The following SLC47A1 variants were observed in gnomAD, a reference collection of about 807,000 sequenced individuals.
SLC47A1 encodes the protein solute carrier family 47 member 1.
SLC47A1 carries 58 observed loss-of-function variants against 65.8 expected under a neutral mutation model. The ratio of observed to expected loss-of-function variants is 0.88; its 90% CI spans 0.71 to 1.10. SLC47A1 has a LOEUF of 1.10. SLC47A1 is among the 50% of genes least tolerant of loss of function. SLC47A1 has a pLI of 0.00. For synonymous variants in SLC47A1, 285 were observed against 295.0 expected, an observed-to-expected ratio of 0.97 and a Z score of 0.35; for missense variants, 706 against 719.2, an observed-to-expected ratio of 0.98 and a Z score of 0.21.
At chr17:19,535,917 C>T (rs1354829663) in intron 1 of SLC47A1, among the ~76,000 whole-genome samples, 1 of 152,066 alleles carries the variant, frequency 6.6e-6, no homozygotes, top group African/African-American at 2.4e-5. Flanking sequence ...TTCAACACTC[C>T]CTCACAGAGC....
Position 19,572,858 on chromosome 17 carries a change from C to G in SLC47A1, c.1483C>G (p.Pro495Ala), listed in dbSNP as rs1039034206. ...TGCTCTCCCTCAGGATCCGCTTCACCCAGGTAAGATATGACTCCCTCAGCC... is the reference window on the plus strand; with the variant it reads ...TGCTCTCCCTCAGGATCCGCTTCACGCAGGTAAGATATGACTCCCTCAGCC... ...NSALPQDPLH[P>A]GCPENLEGIL... The change falls in exon 16 of 17, where the codon CCA becomes GCA. Residue 495 changes from proline to alanine, a missense_variant. Physicochemically the swap from Pro to Ala is conservative, Grantham distance 27. Transcript: ENST00000270570. 3.7e-6 allele frequency: 6 copies of G among 1,613,910 alleles called. No individual in the cohort carries two copies. The highest frequency in any genetic ancestry group is 5.1e-6 in the Non-Finnish European group (6 of 1,179,974).
intron 1 of SLC47A1, among the ~76,000 whole-genome samples, chr17:19,539,982 C>T (rs1916094961): frequency 6.6e-6 from 1 of 152,186 alleles, no homozygotes; most frequent in South Asian, 2.1e-4. Flanking sequence ...GGCTGCCCGA[C>T]TCAGGCAGTC....
At chr17:19,537,598 G>A (rs1011825080) in intron 1 of SLC47A1, among the ~76,000 whole-genome samples, 5 of 152,204 alleles carry the variant, frequency 3.3e-5, no homozygotes, top group African/African-American at 7.2e-5. Context: ...CCTCCAATCC[G>A]TCCTCACCAA....
At chr17:19,559,513 C>A (rs1402321358) in intron 10 of SLC47A1, among the ~76,000 whole-genome samples, 4 of 152,114 alleles carry the variant, frequency 2.6e-5, no homozygotes, top group Non-Finnish European at 5.9e-5. Flanking sequence ...CAGAGTGAGA[C>A]CCTGTCCCTA....
intron 10 of SLC47A1, among the ~76,000 whole-genome samples, chr17:19,559,295 G>A (rs1479743772): frequency 6.6e-6 from 1 of 152,146 alleles, no homozygotes. Context: ...CACAATACAG[G>A]GTTGTTTCCC....
chr17:19,577,404 C>A lies in SLC47A1; in HGVS notation c.1564C>A (p.Arg522Ser). 1 of 1,614,162 alleles carries A rather than the reference C, an allele frequency of 6.2e-7. No individual in the cohort carries two copies. Among genetic ancestry groups the A allele is most frequent in the Non-Finnish European group, 8.5e-7 (1 of 1,180,044 alleles). The part of the protein sequence containing the change: ...TGEPQSDQQM[R>S]QEEPLPEHPQ... Reference sequence around the variant, plus strand: ...CGAGCCTCAGTCAGATCAGCAGATGCGCCAAGAAGAACCTTTGCCGGAACA... The same window carrying A: ...CGAGCCTCAGTCAGATCAGCAGATGAGCCAAGAAGAACCTTTGCCGGAACA... Residue 522 changes from arginine to serine, a missense_variant, in exon 17 of 17, where the codon CGC becomes AGC. By Grantham distance (110) the Arg-to-Ser change is moderately radical. Coordinates refer to ENST00000270570, the MANE Select transcript of SLC47A1 (RefSeq NM_018242.3).
At chr17:19,560,642 C>T in intron 12 of SLC47A1, 149 bp downstream of exon 12, 1 of 783,042 alleles carries the variant, frequency 1.3e-6, no homozygotes, top group Non-Finnish European at 2.1e-6. Context: ...CACCTGTAAT[C>T]CCAGCACTTT....
Position 19,549,685 on chromosome 17 carries a change from C to T in SLC47A1, c.498+8C>T, listed in dbSNP as rs1261013056. 1 of 1,614,124 alleles carries T rather than the reference C, an allele frequency of 6.2e-7. No individual in the cohort carries two copies. On this transcript the variant is annotated splice_region_variant and intron_variant, in intron 5 of 16. Transcript: ENST00000270570. ...TTCATTCCAGCTCTTCCTGTAAGTGCTCAAGGGCTAAGAGATTCCCTTCTT... is the reference window on the plus strand; with the variant it reads ...TTCATTCCAGCTCTTCCTGTAAGTGTTCAAGGGCTAAGAGATTCCCTTCTT...
Position 19,575,421 on chromosome 17 carries a change from T to C in SLC47A1, c.1487-1906T>C, listed in dbSNP as rs545469208. Among the ~76,000 whole-genome samples, 1,014 of 145,416 alleles carry C rather than the reference T, an allele frequency of 7.0e-3. 17 individuals are homozygous for C. The highest frequency in any genetic ancestry group is 0.024 in the African/African-American group (960 of 39,958). ...TATTCCTTTTTTTTTTTTTTTGAGA[T>C]AGGGTCTTGTTCTGTCACCCAGGCT... On this transcript the variant is annotated intron_variant, in intron 16 of 16. Transcript: ENST00000270570.
intron 7 of SLC47A1, 87 bp downstream of exon 7, chr17:19,555,396 G>A: frequency 1.4e-6 from 2 of 1,437,682 alleles, no homozygotes; most frequent in Non-Finnish European, 2.0e-6. Context: ...TCTTCAGCTG[G>A]TTCTTGTGTC....
chr17:19,548,261 C>G, intron 4 of SLC47A1, 128 bp downstream of exon 4: 1 of 1,165,230 alleles, frequency 8.6e-7, no homozygotes, highest in Non-Finnish European at 1.2e-6. Context: ...TGGCTGACGT[C>G]TCCTAGGTCT....
intron 1 of SLC47A1, chr17:19,534,276 G>T (rs1320687166): frequency 1.9e-5 from 12 of 615,488 alleles, no homozygotes; most frequent in South Asian, 6.2e-5. Flanking sequence ...CGCACCACCC[G>T]ACTGGGGGCC....
rs766498100 is a variant in SLC47A1 at position 19,571,610 on chromosome 17, C to G, written c.1404+38C>G. 2.8e-5 allele frequency: 43 copies of G among 1,515,016 alleles called. 1 individual carries two copies. Among genetic ancestry groups the G allele is most frequent in the South Asian group, 3.5e-5 (3 of 86,686 alleles). 93.8% of individuals were successfully genotyped at this position (1,515,016 alleles called of 1,614,324 possible). A position where few individuals can be genotyped will look rare whatever the true frequency, so the allele number is the denominator to read the frequency against. ...ATTCTGTCCCGGTAAAGGTTCCTCTCCTAGAAAAACAGGATCTGATCTGGC... is the reference window on the plus strand; with the variant it reads ...ATTCTGTCCCGGTAAAGGTTCCTCTGCTAGAAAAACAGGATCTGATCTGGC... On this transcript the variant is annotated intron_variant, in intron 15 of 16. Transcript: ENST00000270570.
intron 2 of SLC47A1, among the ~76,000 whole-genome samples, chr17:19,545,632 C>T (rs1412115483): frequency 6.6e-6 from 1 of 152,070 alleles, no homozygotes; most frequent in African/African-American, 2.4e-5. Context: ...GCTGGGACTA[C>T]AGGAGCATGC....
intron 2 of SLC47A1, among the ~76,000 whole-genome samples, chr17:19,545,057 T>C (rs950903210): frequency 4.6e-5 from 7 of 152,168 alleles, no homozygotes; most frequent in South Asian, 2.1e-4. Flanking sequence ...TGATTGTTGA[T>C]TGGTTGAAGA....
chr17:19,552,770 TC>T (rs1267910513), intron 6 of SLC47A1, among the ~76,000 whole-genome samples: 1 of 152,078 alleles, frequency 6.6e-6, no homozygotes, highest in East Asian at 1.9e-4. Context: ...CAGAGCCTGT[TC>T]CTAGGGGCTG....
chr17:19,560,045 C>T (rs1026521351), intron 10 of SLC47A1, 143 bp from the exon 11 acceptor site: 2 of 623,148 alleles, frequency 3.2e-6, no homozygotes, highest in African/African-American at 3.7e-5. Context: ...CCCGGCTAGA[C>T]AAAGGGGATG....
intron 15 of SLC47A1, among the ~76,000 whole-genome samples, chr17:19,572,135 C>T (rs1202005578): frequency 4.6e-5 from 7 of 152,008 alleles, no homozygotes; most frequent in South Asian, 2.1e-4. Context: ...AGTGATGGAG[C>T]GAGACCCTGT....
chr17:19,555,880 G>A lies in SLC47A1; in HGVS notation c.824G>A (p.Trp275Ter), dbSNP rs139401307. 8.1e-6 allele frequency: 13 copies of A among 1,613,960 alleles called. No homozygotes were observed. The African/African-American group carries it at 1.3e-4, about 17-fold the overall frequency. Residue 275 changes from tryptophan (W) to a stop codon, truncating the protein, a stop_gained, in exon 9 of 17, where the codon TGG becomes TAG. Coordinates refer to ENST00000270570, the MANE Select transcript of SLC47A1 (RefSeq NM_018242.3). LOFTEE classifies it high-confidence loss of function. Reference protein sequence around the residue: ...PSMLMLCMEWWAYEVGSFLSG... With the variant: ...PSMLMLCMEW ...ATGCTCATGCTGTGCATGGAGTGGT[G>A]GGCCTATGAGGTCGGGAGCTTCCTC...
Sources: gnomAD v4.1 joint callset for allele counts (sites outside exome capture counted in the v4.1 genomes callset) on GRCh38, gnomAD v4.1.1 for gene constraint, MANE v1.5 for transcripts, NCBI Gene and HGNC (gene_info 2026-07-23, HGNC 2026-07-21) for gene names.